The following PBLD variants were observed in gnomAD, a reference collection of about 807,000 sequenced individuals.
PBLD encodes phenazine biosynthesis-like domain-containing protein.
PBLD carries 26 observed loss-of-function variants against 31.3 expected under a neutral mutation model. The observed-to-expected ratio is 0.83, with a 90% CI of 0.61 to 1.15. PBLD has a LOEUF of 1.15. Ranked by LOEUF, PBLD falls within the 50% of genes most tolerant of loss-of-function variation. PBLD has a pLI of 0.00. For missense variants in PBLD, 307 were observed against 351.7 expected, an observed-to-expected ratio of 0.87 and a Z score of 1.02; for synonymous variants, 114 against 129.0, an observed-to-expected ratio of 0.88 and a Z score of 0.79.
chr10:68,325,146 A>T (rs977583220), intron 1 of PBLD, among the ~76,000 whole-genome samples: 6 of 152,044 alleles, frequency 3.9e-5, no homozygotes, highest in Admixed American at 2.6e-4. Context: ...CGGGAGGCTG[A>T]GGCAGGAGAA....
rs772446280 is a variant in PBLD at position 68,306,741 on chromosome 10, A to G, written c.84+20T>C. On this transcript the variant is annotated intron_variant, in intron 2 of 9. Transcript: ENST00000358769. ...GGAATCTAGAATTTCAGGTACTGTAATTCAAAACCAAGCACTTACATTTTC... is the reference window on the plus strand; with the variant it reads ...GGAATCTAGAATTTCAGGTACTGTAGTTCAAAACCAAGCACTTACATTTTC... 64 of 1,604,760 alleles carry G rather than the reference A, an allele frequency of 4.0e-5. No individual in the cohort carries two copies. Among genetic ancestry groups the G allele is most frequent in the Non-Finnish European group, 5.5e-5 (64 of 1,172,594 alleles).
Position 68,322,136 on chromosome 10 carries a change from C to G in PBLD, c.-60+10648G>C, listed in dbSNP as rs1037810230. ...TGTTATTACCATGTGAAGAGGATGG[C>G]ACTTTACCTCTGTGGTTTTCCTCCC... is the stretch of plus-strand genomic sequence containing the variant. On this transcript the variant is annotated intron_variant, in intron 1 of 9. Transcript: ENST00000358769. Among the ~76,000 whole-genome samples, 5 of 152,126 alleles carry G rather than the reference C, an allele frequency of 3.3e-5. No individual in the cohort carries two copies. The South Asian group carries it at 1.0e-3, about 31-fold the overall frequency.
intron 1 of PBLD, among the ~76,000 whole-genome samples, chr10:68,323,275 C>A (rs1194626763): frequency 1.3e-5 from 2 of 151,666 alleles, no homozygotes; most frequent in African/African-American, 4.8e-5. Context: ...TTATAAGAGA[C>A]CCTAGGCTGG....
chr10:68,304,313 A>T (rs10740295), intron 2 of PBLD, among the ~76,000 whole-genome samples: 2 of 152,072 alleles, frequency 1.3e-5, no homozygotes, highest in Non-Finnish European at 2.9e-5. Context: ...TAATCTTTAG[A>T]TATCTATTCA....
At chr10:68,312,636 G>A (rs2044685300) in intron 1 of PBLD, among the ~76,000 whole-genome samples, 1 of 105,164 alleles carries the variant, frequency 9.5e-6, no homozygotes, top group South Asian at 3.2e-4. Flanking sequence ...TTGAGACAGA[G>A]TCTTGCTCTG....
At chr10:68,305,647 T>C (rs939590547) in intron 2 of PBLD, among the ~76,000 whole-genome samples, 10 of 151,970 alleles carry the variant, frequency 6.6e-5, no homozygotes, top group Non-Finnish European at 1.5e-4. Context: ...CTCAGCTACT[T>C]GGGAGATTAA....
chr10:68,286,681 G>A (rs923057827), intron 8 of PBLD, among the ~76,000 whole-genome samples: 6 of 151,984 alleles, frequency 3.9e-5, no homozygotes, highest in African/African-American at 1.4e-4. Flanking sequence ...CTGAGCTTTT[G>A]GCACCAAAAG....
intron 2 of PBLD, among the ~76,000 whole-genome samples, chr10:68,301,381 A>G (rs2044504161): frequency 6.6e-6 from 1 of 152,194 alleles, no homozygotes; most frequent in African/African-American, 2.4e-5. Flanking sequence ...CCAGCCAACA[A>G]GACAACAATG....
intron 1 of PBLD, among the ~76,000 whole-genome samples, chr10:68,309,602 G>A (rs1274111559): frequency 6.7e-6 from 1 of 149,512 alleles, no homozygotes; most frequent in Non-Finnish European, 1.5e-5. Flanking sequence ...GAGGTCAGGA[G>A]ATCGAGACCA....
intron 2 of PBLD, among the ~76,000 whole-genome samples, 200 bp downstream of exon 2, chr10:68,306,561 T>C (rs960876695): frequency 1.6e-4 from 24 of 152,232 alleles, no homozygotes; most frequent in African/African-American, 5.8e-4. Context: ...CTTCATTTCA[T>C]TGGACGTACC....
intron 2 of PBLD, among the ~76,000 whole-genome samples, chr10:68,299,901 T>C (rs7919835): frequency 6.6e-6 from 1 of 151,534 alleles, no homozygotes; most frequent in Non-Finnish European, 1.5e-5. Flanking sequence ...ATAAGCTTTT[T>C]TTTTTTTGAG....
intron 1 of PBLD, among the ~76,000 whole-genome samples, chr10:68,332,528 T>C (rs551842132): frequency 2.6e-5 from 4 of 152,314 alleles, no homozygotes; most frequent in African/African-American, 9.6e-5. Context: ...CGCGGCCACC[T>C]CGGCTTCCCG....
intron 2 of PBLD, among the ~76,000 whole-genome samples, chr10:68,303,698 A>G (rs1054573240): frequency 6.6e-6 from 1 of 152,124 alleles, no homozygotes; most frequent in Non-Finnish European, 1.5e-5. Flanking sequence ...CTTTACTTTC[A>G]GTAGTCTTTT....
chr10:68,309,042 A>G (rs557835715), intron 1 of PBLD, among the ~76,000 whole-genome samples: 1 of 150,232 alleles, frequency 6.7e-6, no homozygotes, highest in South Asian at 2.1e-4. Context: ...TCCCTCTGCA[A>G]TAGTCTTAGT....
At chr10:68,315,454 G>A (rs1206359545) in intron 1 of PBLD, among the ~76,000 whole-genome samples, 6 of 151,878 alleles carry the variant, frequency 4.0e-5, no homozygotes, top group African/African-American at 1.2e-4. Context: ...GCATGGTGGT[G>A]TGTGCCTGTT....
At chr10:68,319,369 C>G (rs1368484017) in intron 1 of PBLD, among the ~76,000 whole-genome samples, 4 of 152,060 alleles carry the variant, frequency 2.6e-5, no homozygotes, top group African/African-American at 7.2e-5. Context: ...GGGCAAAGAT[C>G]GGTAGAATGG....
Position 68,288,996 on chromosome 10 carries a change from G to C in PBLD, c.447C>G (p.Val149=). ...LIKTAIGNTL[V]QDICYSPDTQ... ...TATCTGGAGAATAACAGATGTCCTGGACCAGTGTGTTGCCTATGGCAGTCT... is the reference window on the plus strand; with the variant it reads ...TATCTGGAGAATAACAGATGTCCTGCACCAGTGTGTTGCCTATGGCAGTCT... The change falls in exon 7 of 10, where the codon GTC becomes GTG. Residue 149 remains valine (V), a synonymous_variant. Transcript: ENST00000358769. The C allele has an allele frequency of 6.2e-7, 1 of 1,614,076 alleles. No individual in the cohort carries two copies. Among genetic ancestry groups the C allele is most frequent in the Non-Finnish European group, 8.5e-7 (1 of 1,180,004 alleles).
chr10:68,289,078 C>G, intron 6 of PBLD, 59 bp from the exon 7 acceptor site: 2 of 1,327,280 alleles, frequency 1.5e-6, no homozygotes, highest in Non-Finnish European at 2.2e-6. Context: ...CCTTGATCCC[C>G]TGAAATGGGA....
At chr10:68,309,117 C>T (rs962887641) in intron 1 of PBLD, among the ~76,000 whole-genome samples, 2 of 150,032 alleles carry the variant, frequency 1.3e-5, no homozygotes, top group Non-Finnish European at 2.9e-5. Context: ...CAAAAGAACC[C>T]ACTTCATGGC....
Sources: allele counts gnomAD v4.1 joint callset (sites outside exome capture counted in the v4.1 genomes callset), GRCh38; gene constraint gnomAD v4.1.1; transcripts MANE v1.5; gene names NCBI Gene and HGNC (gene_info 2026-07-23, HGNC 2026-07-21).